The following DGKB variants were observed in gnomAD, a reference collection of about 807,000 sequenced individuals.
DGKB encodes the protein 90 kDa diacylglycerol kinase.
Under a neutral mutation model 114.3 loss-of-function variants are expected in DGKB, and 67 were observed. That is an observed-to-expected ratio of 0.59 (90% confidence interval 0.48 to 0.72). The LOEUF is 0.72. Among genes scored for constraint, DGKB ranks in the 30% least tolerant of loss-of-function variants. DGKB has a pLI of 0.00. For synonymous variants in DGKB, 398 were observed against 323.1 expected (o/e 1.23, Z -2.49); for missense variants, 907 against 975.2 (o/e 0.93, Z 0.93).
intron 20 of DGKB, among the ~76,000 whole-genome samples, chr7:14,564,895 C>G (rs1314845641): frequency 6.6e-6 from 1 of 152,062 alleles, no homozygotes; most frequent in Non-Finnish European, 1.5e-5. Context: ...AGGCTTTATC[C>G]TAAAGTTCCA....
intron 21 of DGKB, among the ~76,000 whole-genome samples, chr7:14,455,048 T>G (rs1442031617): frequency 6.6e-6 from 1 of 152,042 alleles, no homozygotes; most frequent in Non-Finnish European, 1.5e-5. Flanking sequence ...TGTCTCCTGG[T>G]TATCTATGGA....
chr7:14,446,029 T>G (rs1402290269), intron 21 of DGKB, among the ~76,000 whole-genome samples: 1 of 152,132 alleles, frequency 6.6e-6, no homozygotes, highest in Non-Finnish European at 1.5e-5. Context: ...AACCCGTGCT[T>G]TCTTGACTTA....
intron 23 of DGKB, among the ~76,000 whole-genome samples, chr7:14,199,520 G>T (rs753794848): frequency 5.9e-5 from 9 of 151,928 alleles, no homozygotes; most frequent in Non-Finnish European, 8.8e-5. Flanking sequence ...AGGCGGCCTG[G>T]GACAGGACTG....
At chr7:14,687,719 T>G (rs1821964820) in intron 9 of DGKB, among the ~76,000 whole-genome samples, 1 of 152,190 alleles carries the variant, frequency 6.6e-6, no homozygotes, top group Admixed American at 6.5e-5. Context: ...AAAAGCTAAT[T>G]TTCGTATATA....
intron 1 of DGKB, among the ~76,000 whole-genome samples, chr7:14,866,273 C>T (rs1000204361): frequency 1.3e-4 from 20 of 151,996 alleles, no homozygotes; most frequent in African/African-American, 4.1e-4. Context: ...CCATAATCAC[C>T]GAAAGTCCAT....
chr7:14,318,971 G>A (rs1483602629), intron 23 of DGKB, among the ~76,000 whole-genome samples: 14 of 151,946 alleles, frequency 9.2e-5, no homozygotes, highest in Non-Finnish European at 1.9e-4. Flanking sequence ...AAAATGATGC[G>A]TTCATGTCCT....
Position 14,338,578 on chromosome 7 carries a change from T to C in DGKB, c.2059A>G (p.Lys687Glu), listed in dbSNP as rs1450900273. 1.5e-5 allele frequency: 24 copies of C among 1,609,620 alleles called. No homozygotes were observed. Among genetic ancestry groups the C allele is most frequent in the Non-Finnish European group, 2.0e-5 (23 of 1,177,814 alleles). Residue 687 changes from lysine (K) to glutamate (E), a missense_variant, in exon 23 of 26, where the codon AAA becomes GAA. By Grantham distance (56) the Lys-to-Glu change is moderately conservative. Transcript: ENST00000402815. ...KKRRSHRRIE[K>E]KGSDKRTTVT... ...GTGGTCCTTTTGTCAGACCCTTTTTTCTCTATTCGTCGATGGCTTCGTCTT... is the reference window on the plus strand; with the variant it reads ...GTGGTCCTTTTGTCAGACCCTTTTTCCTCTATTCGTCGATGGCTTCGTCTT...
At chr7:14,235,851 G>T (rs1057505558) in intron 23 of DGKB, among the ~76,000 whole-genome samples, 3 of 152,112 alleles carry the variant, frequency 2.0e-5, no homozygotes, top group East Asian at 1.9e-4. Context: ...ATAAAACTTA[G>T]TGGCAACATA....
At chr7:14,669,255 T>C (rs959185062) in intron 13 of DGKB, among the ~76,000 whole-genome samples, 1 of 152,202 alleles carries the variant, frequency 6.6e-6, no homozygotes, top group South Asian at 2.1e-4. Context: ...AATCCTCTAA[T>C]GGCTTCCTAT....
intron 21 of DGKB, among the ~76,000 whole-genome samples, chr7:14,457,868 GAGA>G (rs1317691332): frequency 2.6e-5 from 4 of 152,182 alleles, no homozygotes; most frequent in African/African-American, 7.2e-5. Context: ...ACATCTACAT[GAGA>G]AGGACTACTG....
At chr7:14,504,378 T>A (rs536222383) in intron 20 of DGKB, among the ~76,000 whole-genome samples, 26 of 152,162 alleles carry the variant, frequency 1.7e-4, no homozygotes, top group Non-Finnish European at 3.1e-4. Flanking sequence ...GGAGTTCAGA[T>A]TGTCACTAGC....
intron 20 of DGKB, among the ~76,000 whole-genome samples, chr7:14,568,418 T>A (rs539132685): frequency 1.3e-5 from 2 of 152,278 alleles, no homozygotes; most frequent in East Asian, 1.9e-4. Flanking sequence ...CTTACAATTA[T>A]GTGCAGGCAA....
intron 23 of DGKB, among the ~76,000 whole-genome samples, chr7:14,331,922 G>A (rs144459268): frequency 3.0e-4 from 45 of 152,276 alleles, no homozygotes; most frequent in African/African-American, 1.0e-3. Context: ...TCTCCCAACA[G>A]TGCATAGAGA....
Position 14,228,515 on chromosome 7 carries a change from C to G in DGKB, c.2123-50364G>C, listed in dbSNP as rs148322283. 9.6e-3 allele frequency among the ~76,000 whole-genome samples: 1,462 copies of G among 151,994 alleles called. 28 individuals are homozygous for G. Among genetic ancestry groups the G allele is most frequent in the African/African-American group, 0.034 (1,407 of 41,466 alleles). On this transcript the variant is annotated intron_variant, in intron 23 of 25. Transcript: ENST00000402815. ...GAGTAATCTGAAAACAATTTTAGAGCTGTTTATAGTACACACACACTCGCA... is the reference window on the plus strand; with the variant it reads ...GAGTAATCTGAAAACAATTTTAGAGGTGTTTATAGTACACACACACTCGCA...
In DGKB at chr7:14,838,188, TC is replaced by T. The variant is rs375041662; in HGVS notation, c.70+3005del. On this transcript the variant is annotated intron_variant, in intron 2 of 25. Coordinates refer to ENST00000402815, the MANE Select transcript of DGKB (RefSeq NM_001350709.2). ...TTCTTATGATATAATTAAATGTACC[TC>T]CATATTCATTAGCCAATGAAATACA... Among the ~76,000 whole-genome samples the T allele has an allele frequency of 5.3e-5, 8 of 152,240 alleles. No individual in the cohort carries two copies. In the East Asian group the frequency reaches 9.7e-4, roughly 18 times the overall value.
chr7:14,495,823 T>G lies in DGKB; in HGVS notation c.1771-17598A>C, dbSNP rs1026066639. ...AAGACAAAACGAAAACAATAAAGCT[T>G]AGTATAACCCTTTTAGCAATGTGAG... On this transcript the variant is annotated intron_variant, in intron 20 of 25. Coordinates refer to ENST00000402815, the MANE Select transcript of DGKB (RefSeq NM_001350709.2). 2.6e-5 allele frequency among the ~76,000 whole-genome samples: 4 copies of G among 151,846 alleles called. No homozygotes were observed. The South Asian group carries it at 8.3e-4, about 31-fold the overall frequency.
chr7:14,280,729 T>G (rs1342875069), intron 23 of DGKB, among the ~76,000 whole-genome samples: 2 of 149,758 alleles, frequency 1.3e-5, no homozygotes, highest in Non-Finnish European at 3.0e-5. Context: ...GAAAAGAATT[T>G]TCAACCCAGA....
At chr7:14,454,936 T>C (rs760358070) in intron 21 of DGKB, among the ~76,000 whole-genome samples, 1 of 152,048 alleles carries the variant, frequency 6.6e-6, no homozygotes, top group Admixed American at 6.6e-5. Context: ...TGCTACTAAA[T>C]TCTAAATAAT....
At chr7:14,451,449 G>C (rs1318023581) in intron 21 of DGKB, among the ~76,000 whole-genome samples, 1 of 151,884 alleles carries the variant, frequency 6.6e-6, no homozygotes, top group Non-Finnish European at 1.5e-5. Flanking sequence ...TATAGCATCA[G>C]CTCTCCTTGA....
Sources: gnomAD v4.1 joint callset for allele counts (sites outside exome capture counted in the v4.1 genomes callset) on GRCh38, gnomAD v4.1.1 for gene constraint, MANE v1.5 for transcripts, NCBI Gene and HGNC (gene_info 2026-07-23, HGNC 2026-07-21) for gene names.